The following ODAD2 variants were observed in gnomAD, a reference collection of about 807,000 sequenced individuals.
ODAD2 encodes outer dynein arm docking complex subunit 2.
ODAD2 carries 89 observed loss-of-function variants against 106.8 expected under a neutral mutation model. The observed-to-expected ratio is 0.83, with a 90% CI of 0.70 to 0.99. The LOEUF (loss-of-function observed/expected upper bound fraction) is 0.99, where lower values mean the gene tolerates loss of function less well. Among genes scored for constraint, ODAD2 ranks in the 50% least tolerant of loss-of-function variants. The pLI, the probability that ODAD2 is intolerant of heterozygous loss-of-function variation, is 0.00. For missense variants in ODAD2, 1,168 were observed against 1,238.5 expected (o/e 0.94, Z 0.85); for synonymous variants, 404 against 436.2 (o/e 0.93, Z 0.92).
intron 19 of ODAD2, among the ~76,000 whole-genome samples, chr10:27,839,543 G>C (rs190726437): frequency 6.6e-6 from 1 of 152,304 alleles, no homozygotes; most frequent in African/African-American, 2.4e-5. Flanking sequence ...AGCTGACAGT[G>C]ACTTGGAAAT....
intron 16 of ODAD2, among the ~76,000 whole-genome samples, chr10:27,918,828 A>T (rs1844573083): frequency 6.6e-6 from 1 of 151,914 alleles, no homozygotes; most frequent in Non-Finnish European, 1.5e-5. Context: ...AAATAAAGTT[A>T]GCAAGTTTGC....
chr10:27,829,620 C>T (rs994208884), intron 19 of ODAD2, among the ~76,000 whole-genome samples: 34 of 152,088 alleles, frequency 2.2e-4, no homozygotes, highest in African/African-American at 7.7e-4. Flanking sequence ...AACATATTAT[C>T]GTAAAATTTC....
intron 7 of ODAD2, among the ~76,000 whole-genome samples, chr10:27,979,641 T>C (rs1024087418): frequency 1.3e-5 from 2 of 152,046 alleles, no homozygotes; most frequent in African/African-American, 4.8e-5. Flanking sequence ...AATAATAAAA[T>C]GTTAATGAGT....
intron 17 of ODAD2, among the ~76,000 whole-genome samples, chr10:27,892,919 C>T (rs1324703691): frequency 1.3e-5 from 2 of 152,084 alleles, no homozygotes; most frequent in East Asian, 3.8e-4. Context: ...GAGGCCGAGG[C>T]GAGCAGATCA....
At chr10:27,844,688 CT>C (rs1256197108) in intron 19 of ODAD2, among the ~76,000 whole-genome samples, 1 of 152,134 alleles carries the variant, frequency 6.6e-6, no homozygotes, top group Non-Finnish European at 1.5e-5. Flanking sequence ...ATAAAAGACT[CT>C]GTGTAAATGT....
At chr10:27,989,708 G>C (rs1307830562) in intron 2 of ODAD2, among the ~76,000 whole-genome samples, 1 of 152,150 alleles carries the variant, frequency 6.6e-6, no homozygotes. Flanking sequence ...CCTTAACCAG[G>C]CATGGTGGCA....
chr10:27,849,106 T>A (rs1015859455), intron 19 of ODAD2, among the ~76,000 whole-genome samples: 3 of 152,258 alleles, frequency 2.0e-5, no homozygotes, highest in Non-Finnish European at 4.4e-5. Context: ...TGCACACGTA[T>A]GTTTACTGCG....
chr10:27,965,140 C>G (rs1207433115), intron 9 of ODAD2, among the ~76,000 whole-genome samples: 4 of 152,096 alleles, frequency 2.6e-5, no homozygotes, highest in East Asian at 3.9e-4. Flanking sequence ...AAGTGATAGT[C>G]AGTCAATGTC....
At chr10:27,838,584 A>T (rs898407986) in intron 19 of ODAD2, among the ~76,000 whole-genome samples, 4 of 152,242 alleles carry the variant, frequency 2.6e-5, no homozygotes, top group African/African-American at 9.6e-5. Context: ...AGGAAAAGAC[A>T]TTCCCAGCAT....
intron 7 of ODAD2, among the ~76,000 whole-genome samples, chr10:27,977,436 G>A (rs1232812698): frequency 2.0e-5 from 3 of 151,696 alleles, no homozygotes; most frequent in African/African-American, 7.3e-5. Flanking sequence ...GCGCGGTGGC[G>A]GGCGCCTGTA....
At chr10:27,934,224 C>T (rs1845805032) in intron 16 of ODAD2, among the ~76,000 whole-genome samples, 2 of 152,024 alleles carry the variant, frequency 1.3e-5, no homozygotes, top group Admixed American at 1.3e-4. Flanking sequence ...TTTATAATTA[C>T]CCAGTTTCGG....
intron 17 of ODAD2, among the ~76,000 whole-genome samples, chr10:27,889,726 T>G (rs1330239597): frequency 6.6e-6 from 1 of 152,176 alleles, no homozygotes; most frequent in Non-Finnish European, 1.5e-5. Context: ...ATGTTGCAGC[T>G]CTGCAATTAT....
chr10:27,918,179 C>T (rs1844527273), intron 16 of ODAD2, among the ~76,000 whole-genome samples: 1 of 151,830 alleles, frequency 6.6e-6, no homozygotes, highest in Non-Finnish European at 1.5e-5. Context: ...TCCTATAGGG[C>T]CTGCATAAAC....
At chr10:27,828,424 G>A (rs561010304) in intron 19 of ODAD2, among the ~76,000 whole-genome samples, 4 of 152,292 alleles carry the variant, frequency 2.6e-5, no homozygotes, top group South Asian at 2.1e-4. Flanking sequence ...TCACCATTAC[G>A]GAGGATGGGA....
intron 16 of ODAD2, among the ~76,000 whole-genome samples, chr10:27,916,368 G>A (rs1844378606): frequency 6.6e-6 from 1 of 152,150 alleles, no homozygotes; most frequent in Non-Finnish European, 1.5e-5. Context: ...AAGGGGAGGA[G>A]ATGGGGATGA....
chr10:27,993,036 C>T (rs1349150618), intron 2 of ODAD2, among the ~76,000 whole-genome samples: 1 of 152,154 alleles, frequency 6.6e-6, no homozygotes, highest in Non-Finnish European at 1.5e-5. Flanking sequence ...CTGCCTCAGC[C>T]TCCCTAGTAG....
chr10:27,946,703 G>T (rs180722165), intron 10 of ODAD2, among the ~76,000 whole-genome samples: 14 of 152,118 alleles, frequency 9.2e-5, no homozygotes, highest in Non-Finnish European at 1.5e-5. Context: ...ATATAATAGG[G>T]TTAGCACAGA....
chr10:27,864,883 A>G (rs1443137182), intron 17 of ODAD2, among the ~76,000 whole-genome samples: 1 of 152,178 alleles, frequency 6.6e-6, no homozygotes, highest in Non-Finnish European at 1.5e-5. Context: ...CCTCACAGGA[A>G]TCATGCAAAA....
intron 17 of ODAD2, among the ~76,000 whole-genome samples, chr10:27,886,580 C>A (rs1043418499): frequency 6.6e-6 from 1 of 151,944 alleles, no homozygotes; most frequent in Non-Finnish European, 1.5e-5. Flanking sequence ...ATATAAAGTT[C>A]TTTGGTAAAA....
Sources: allele counts gnomAD v4.1 joint callset (sites outside exome capture counted in the v4.1 genomes callset), GRCh38; gene constraint gnomAD v4.1.1; transcripts MANE v1.5; gene names NCBI Gene and HGNC (gene_info 2026-07-23, HGNC 2026-07-21).